Variants in CPNE5 observed in about 807,000 individuals in gnomAD.
The protein encoded by CPNE5 is copine-5.
Under a neutral mutation model 81.1 loss-of-function variants are expected in CPNE5, and 42 were observed. That is an observed-to-expected ratio of 0.52 (90% confidence interval 0.40 to 0.67). The LOEUF is 0.67. Ranked by LOEUF, CPNE5 falls within the 30% of genes least tolerant of loss-of-function variation. The pLI is 0.00. For synonymous variants in CPNE5, 313 were observed against 321.5 expected, an observed-to-expected ratio of 0.97 and a Z score of 0.28; for missense variants, 612 against 815.5, an observed-to-expected ratio of 0.75 and a Z score of 3.04.
chr6:36,798,733 T>G (rs192339472), intron 4 of CPNE5, among the ~76,000 whole-genome samples: 1 of 152,092 alleles, frequency 6.6e-6, no homozygotes, highest in East Asian at 1.9e-4. Context: ...CATCGTGGAG[T>G]AGGCACAAAG....
chr6:36,780,561 G>A (rs1397359301), intron 8 of CPNE5, among the ~76,000 whole-genome samples: 8 of 152,316 alleles, frequency 5.3e-5, no homozygotes, highest in African/African-American at 1.9e-4. Flanking sequence ...AGGCTCGTGA[G>A]ATAAAGTGAG....
At chr6:36,790,822 C>T (rs1355719876) in intron 8 of CPNE5, among the ~76,000 whole-genome samples, 1 of 152,062 alleles carries the variant, frequency 6.6e-6, no homozygotes, top group African/African-American at 2.4e-5. Flanking sequence ...GGATTACAGG[C>T]GTGAGCCACC....
intron 14 of CPNE5, among the ~76,000 whole-genome samples, chr6:36,751,661 A>T (rs915217587): frequency 2.0e-5 from 3 of 152,112 alleles, no homozygotes; most frequent in African/African-American, 7.2e-5. Context: ...GTGGTGGCGC[A>T]TGCCTGTAGC....
intron 1 of CPNE5, chr6:36,838,658 T>C: frequency 1.7e-6 from 1 of 592,160 alleles, no homozygotes; most frequent in Non-Finnish European, 2.1e-6. Flanking sequence ...GTTATTTTTT[T>C]AATGGTGCCA....
At chr6:36,839,480 G>A (rs1773840515), upstream of CPNE5, 5 of 989,476 alleles carry the variant, frequency 5.1e-6, no homozygotes, top group East Asian at 6.1e-5. This position sits in a 1 kb window ranked among gnomAD's most constrained non-coding sequence, Gnocchi z 7.3. Flanking sequence ...CAGAGCCTGG[G>A]CTGGGCGGCA....
At chr6:36,798,328 G>C (rs779081527) in intron 5 of CPNE5, 87 bp from the exon 6 acceptor site, 1 of 1,503,880 alleles carries the variant, frequency 6.6e-7, no homozygotes, top group Non-Finnish European at 9.2e-7. Context: ...TCCTGGAAGC[G>C]TGAGGGCCCT....
chr6:36,744,230 A>G, intron 19 of CPNE5, 38 bp downstream of exon 19: 2 of 1,528,998 alleles, frequency 1.3e-6, no homozygotes, highest in South Asian at 1.2e-5. Context: ...TTGCGTGGCT[A>G]GGGAAGGAAA....
At chr6:36,776,882 T>C (rs529397014) in intron 9 of CPNE5, among the ~76,000 whole-genome samples, 1 of 152,032 alleles carries the variant, frequency 6.6e-6, no homozygotes, top group South Asian at 2.1e-4. Context: ...GGCCTTCCAC[T>C]CCTTTCCCGG....
intron 1 of CPNE5, among the ~76,000 whole-genome samples, chr6:36,824,342 C>T (rs1772321788): frequency 6.6e-6 from 1 of 152,184 alleles, no homozygotes; most frequent in Non-Finnish European, 1.5e-5. Context: ...GCCCCAGGGG[C>T]CGCCAGGAGA....
At chr6:36,745,785 C>CCTTG (rs1339421977) in intron 16 of CPNE5, among the ~76,000 whole-genome samples, 1 of 152,178 alleles carries the variant, frequency 6.6e-6, no homozygotes, top group Non-Finnish European at 1.5e-5. Context: ...CCTCAGGGAA[C>CCTTG]CTTGGGTAAA....
chr6:36,818,416 C>A (rs1187891426), intron 3 of CPNE5, among the ~76,000 whole-genome samples: 1 of 152,156 alleles, frequency 6.6e-6, no homozygotes, highest in East Asian at 1.9e-4. Context: ...TCTTTTGACC[C>A]ATCTCCCTAT....
chr6:36,783,993 C>T (rs1191896230), intron 8 of CPNE5, among the ~76,000 whole-genome samples: 1 of 152,188 alleles, frequency 6.6e-6, no homozygotes, highest in Non-Finnish European at 1.5e-5. Flanking sequence ...TACATTCCAA[C>T]CTCAGTTTGA....
At chr6:36,777,116 A>T (rs895235287) in intron 9 of CPNE5, among the ~76,000 whole-genome samples, 1 of 152,022 alleles carries the variant, frequency 6.6e-6, no homozygotes, top group South Asian at 2.1e-4. Flanking sequence ...GTCTGATCAG[A>T]CCAGTTCCCC....
intron 14 of CPNE5, among the ~76,000 whole-genome samples, chr6:36,750,019 C>T (rs1031600736): frequency 1.4e-4 from 21 of 152,170 alleles, no homozygotes; most frequent in Non-Finnish European, 2.1e-4. Flanking sequence ...TAAGAAGATT[C>T]CAGGGCTCCA....
intron 3 of CPNE5, among the ~76,000 whole-genome samples, chr6:36,805,321 A>G (rs530412108): frequency 3.7e-4 from 57 of 152,346 alleles, no homozygotes; most frequent in Non-Finnish European, 7.3e-4. Context: ...TACAGAGCGC[A>G]GCCAGCCCTG....
Position 36,820,950 on chromosome 6 carries a change from GA to G in CPNE5, c.183+1163del, listed in dbSNP as rs1229511919. Among the ~76,000 whole-genome samples, 695 of 143,232 alleles carry G rather than the reference GA, an allele frequency of 4.9e-3. 6 individuals are homozygous for G. The highest frequency in any genetic ancestry group is 0.016 in the African/African-American group (617 of 39,224). The allele number at this position is 143,232 out of a possible 152,430, so 94.0% of individuals were successfully genotyped here. ...CAACAGAGGAAGACACTGTCTCAAG[GA>G]AAAAAAAAAAGTAAACCAGGGTATG... On this transcript the variant is annotated intron_variant, in intron 3 of 20. Transcript: ENST00000244751.
intron 20 of CPNE5, among the ~76,000 whole-genome samples, 189 bp downstream of exon 20, chr6:36,743,500 G>A (rs111503742): frequency 0.026 from 3,935 of 152,316 alleles, 70 homozygotes; most frequent in Non-Finnish European, 0.042. Context: ...ACAGAGGGGG[G>A]CCCAGCCCAG....
chr6:36,809,663 T>C (rs144367362), intron 3 of CPNE5, among the ~76,000 whole-genome samples: 10 of 151,878 alleles, frequency 6.6e-5, no homozygotes, highest in Non-Finnish European at 1.3e-4. Context: ...ATTTTAGAGC[T>C]GGAAGAAACC....
chr6:36,809,999 C>T (rs1385092940), intron 3 of CPNE5, among the ~76,000 whole-genome samples: 2 of 151,906 alleles, frequency 1.3e-5, no homozygotes, highest in South Asian at 2.1e-4. Context: ...TCCACTTTAC[C>T]GATGAAAGAA....
Sources: gnomAD v4.1 joint callset for allele counts (sites outside exome capture counted in the v4.1 genomes callset) on GRCh38, gnomAD v4.1.1 for gene constraint, Gnocchi (gnomAD v3.1) non-coding constraint, MANE v1.5 for transcripts, NCBI Gene and HGNC (gene_info 2026-07-23, HGNC 2026-07-21) for gene names.